The following LYN variants were observed in gnomAD, a reference collection of about 807,000 sequenced individuals.
LYN encodes tyrosine-protein kinase Lyn.
A neutral mutation model predicts 65.0 loss-of-function variants in LYN; 12 were observed. That is an observed-to-expected ratio of 0.18 (90% confidence interval 0.12 to 0.30). The LOEUF (loss-of-function observed/expected upper bound fraction) is 0.30, where lower values mean the gene tolerates loss of function less well. Ranked by LOEUF, LYN falls within the 10% of genes least tolerant of loss-of-function variation. The pLI, the probability that LYN is intolerant of heterozygous loss-of-function variation, is 1.00. For synonymous variants in LYN, 222 were observed against 221.2 expected (o/e 1.00, Z -0.03); for missense variants, 380 against 623.2 (o/e 0.61, Z 4.16).
chr8:55,949,707 C>G (rs750734444), intron 4 of LYN, among the ~76,000 whole-genome samples: 37 of 152,304 alleles, frequency 2.4e-4, no homozygotes, highest in African/African-American at 8.4e-4. Flanking sequence ...TGTGAACATT[C>G]AAAACCCTCA....
chr8:55,950,588 CTTTA>C (rs777812224), intron 5 of LYN, 31 bp downstream of exon 5: 1 of 1,589,544 alleles, frequency 6.3e-7, no homozygotes, highest in Non-Finnish European at 8.6e-7. Flanking sequence ...ATCTTGGTGG[CTTTA>C]TTTGCCACAT....
intron 1 of LYN, among the ~76,000 whole-genome samples, chr8:55,930,710 T>G (rs950340261): frequency 4.6e-5 from 7 of 152,172 alleles, no homozygotes; most frequent in Non-Finnish European, 1.0e-4. Context: ...CGGCACGTGG[T>G]GGAGGCTTCT....
chr8:56,008,125 A>AAAAAAAAAAT (rs762053359), intron 12 of LYN, among the ~76,000 whole-genome samples: 16 of 133,694 alleles, frequency 1.2e-4, no homozygotes, highest in African/African-American at 4.5e-4. Context: ...CCTCAAAAAA[A>AAAAAAAAAAT]AAATAAAATA....
At chr8:55,946,778 C>T (rs1408908528) in intron 3 of LYN, among the ~76,000 whole-genome samples, 1 of 152,140 alleles carries the variant, frequency 6.6e-6, no homozygotes. Context: ...GCAACCTCCG[C>T]TCTTTCTGTC....
At chr8:55,902,070 C>A (rs887903968) in intron 1 of LYN, among the ~76,000 whole-genome samples, 2 of 151,746 alleles carry the variant, frequency 1.3e-5, no homozygotes, top group Non-Finnish European at 2.9e-5. Context: ...TGCAATGGTG[C>A]GATCTTGGCT....
Position 55,912,885 on chromosome 8 carries a change from G to A in LYN, c.-5-28970G>A, listed in dbSNP as rs191302020. On this transcript the variant is annotated intron_variant, in intron 1 of 12. Transcript: ENST00000519728. ...ATTATAATTTTTCTTAAAATGGCCC[G>A]TGTGTAAAAAGTTTATTCCCCTTTA... 1.2e-4 allele frequency among the ~76,000 whole-genome samples: 19 copies of A among 152,082 alleles called. No individual in the cohort carries two copies. The East Asian group carries it at 1.5e-3, about 12-fold the overall frequency.
At chr8:55,953,011 C>T (rs757514007) in intron 7 of LYN, among the ~76,000 whole-genome samples, 1 of 152,146 alleles carries the variant, frequency 6.6e-6, no homozygotes, top group Non-Finnish European at 1.5e-5. Flanking sequence ...AGGGGATGCA[C>T]ATTATAGGTT....
intron 1 of LYN, among the ~76,000 whole-genome samples, chr8:55,909,051 A>G (rs13279909): frequency 2.8e-5 from 1 of 35,118 alleles, no homozygotes; most frequent in Admixed American, 2.8e-4. Flanking sequence ...ACACACACAC[A>G]CCCCACATTT....
At chr8:55,969,613 A>G (rs892437724) in intron 9 of LYN, 104 bp from the exon 10 acceptor site, 13 of 886,044 alleles carry the variant, frequency 1.5e-5, no homozygotes, top group South Asian at 5.3e-5. Flanking sequence ...AAAGCCAATC[A>G]TTTTGTGGGG....
intron 10 of LYN, among the ~76,000 whole-genome samples, chr8:55,998,086 GA>G (rs956498668): frequency 1.4e-5 from 2 of 146,974 alleles, no homozygotes; most frequent in African/African-American, 2.5e-5. Context: ...TCCGTCTCAA[GA>G]AAAAAAAAGA....
At chr8:55,990,129 C>G (rs916664353) in intron 10 of LYN, among the ~76,000 whole-genome samples, 2 of 150,812 alleles carry the variant, frequency 1.3e-5, no homozygotes, top group East Asian at 1.9e-4. Flanking sequence ...GTCCCAGCTA[C>G]TCAGGAGACT....
chr8:55,977,897 G>A (rs1345461066), intron 10 of LYN, among the ~76,000 whole-genome samples: 1 of 152,114 alleles, frequency 6.6e-6, no homozygotes, highest in East Asian at 1.9e-4. Flanking sequence ...TCCAGCCTAG[G>A]TGACAGAGCA....
intron 10 of LYN, among the ~76,000 whole-genome samples, chr8:55,992,138 G>A (rs1249563821): frequency 6.6e-6 from 1 of 152,176 alleles, no homozygotes; most frequent in Non-Finnish European, 1.5e-5. Context: ...GGTTTAGAAA[G>A]TTGGGGTTTT....
intron 8 of LYN, among the ~76,000 whole-genome samples, chr8:55,962,466 G>A (rs142487297): frequency 9.5e-4 from 144 of 152,122 alleles, no homozygotes; most frequent in Admixed American, 1.6e-3. Flanking sequence ...ATCTCATGTC[G>A]TGTTTGTGAG....
chr8:55,938,164 C>A (rs1331711215), intron 1 of LYN, among the ~76,000 whole-genome samples: 1 of 152,184 alleles, frequency 6.6e-6, no homozygotes, highest in Admixed American at 6.5e-5. Flanking sequence ...AAAGAGAAAT[C>A]TCCAGCCTCA....
At chr8:55,916,754 G>A (rs1805790621) in intron 1 of LYN, among the ~76,000 whole-genome samples, 1 of 152,168 alleles carries the variant, frequency 6.6e-6, no homozygotes, top group South Asian at 2.1e-4. Flanking sequence ...GCCCAATACT[G>A]CAATGGCACC....
rs71519441 is a variant in LYN at position 55,911,570 on chromosome 8, A to G, written c.-5-30285A>G. ...CAGCAGGTGGAAATGTACATTCACT[A>G]CTTGGTGGAAAGAAGTCTGAATTGG... On this transcript the variant is annotated intron_variant, in intron 1 of 12. Transcript: ENST00000519728. Among the ~76,000 whole-genome samples the G allele has an allele frequency of 6.0e-3, 909 of 151,964 alleles. 7 individuals are homozygous for G. Among genetic ancestry groups the G allele is most frequent in the Middle Eastern group, 0.017 (5 of 294 alleles).
At chr8:55,969,186 T>C (rs906881439) in intron 9 of LYN, among the ~76,000 whole-genome samples, 6 of 152,192 alleles carry the variant, frequency 3.9e-5, no homozygotes, top group Non-Finnish European at 7.4e-5. Flanking sequence ...AGTGGGAGGA[T>C]TGCTTGAGCT....
At chr8:55,938,822 G>C (rs900307323) in intron 1 of LYN, among the ~76,000 whole-genome samples, 1 of 152,188 alleles carries the variant, frequency 6.6e-6, no homozygotes, top group African/African-American at 2.4e-5. Context: ...CTTAGCTTAT[G>C]ACTTAGACTT....
Sources: allele counts gnomAD v4.1 joint callset (sites outside exome capture counted in the v4.1 genomes callset), GRCh38; gene constraint gnomAD v4.1.1; transcripts MANE v1.5; gene names NCBI Gene and HGNC (gene_info 2026-07-23, HGNC 2026-07-21).